The following NRG3 variants were observed in gnomAD, a reference collection of about 807,000 sequenced individuals.
The protein encoded by NRG3 is neuregulin 3.
In NRG3, 31 loss-of-function variants were observed where a neutral mutation model predicts 66.9. The observed-to-expected ratio is 0.46, with a 90% CI of 0.35 to 0.63. The LOEUF (loss-of-function observed/expected upper bound fraction) is 0.63, where lower values mean the gene tolerates loss of function less well. Among genes scored for constraint, NRG3 ranks in the 20% least tolerant of loss-of-function variants. NRG3 has a pLI of 0.00. For synonymous variants in NRG3, 393 were observed against 359.4 expected (o/e 1.09, Z -1.06); for missense variants, 910 against 878.9 (o/e 1.04, Z -0.45).
intron 1 of NRG3, among the ~76,000 whole-genome samples, chr10:82,231,560 C>T (rs914976071): frequency 1.2e-4 from 18 of 151,072 alleles, no homozygotes; most frequent in South Asian, 2.1e-4. Flanking sequence ...TATTAATAAA[C>T]GCATTATTTA....
chr10:82,431,853 G>T (rs1039024234), intron 2 of NRG3, among the ~76,000 whole-genome samples: 1 of 152,030 alleles, frequency 6.6e-6, no homozygotes, highest in Non-Finnish European at 1.5e-5. Flanking sequence ...ATATTATTCT[G>T]CAACTTGAGT....
At chr10:82,924,218 C>A (rs2132093983) in intron 4 of NRG3, among the ~76,000 whole-genome samples, 1 of 152,018 alleles carries the variant, frequency 6.6e-6, no homozygotes, top group African/African-American at 2.4e-5. Context: ...GTTTCCAGAA[C>A]CCAAAAGGAG....
chr10:82,878,071 G>A (rs892543402), intron 4 of NRG3, among the ~76,000 whole-genome samples: 19 of 152,098 alleles, frequency 1.2e-4, no homozygotes, highest in Admixed American at 1.3e-4. Flanking sequence ...AGAATAGTTC[G>A]GGCCATTTTT....
intron 2 of NRG3, among the ~76,000 whole-genome samples, chr10:82,603,571 C>A (rs639839): frequency 0.099 from 15,018 of 152,106 alleles, 764 homozygotes; most frequent in East Asian, 0.15. Context: ...TTTCCTTTTA[C>A]TTATGACCAC....
rs1290840907 is a variant in NRG3 at position 82,985,183 on chromosome 10, A to G, written c.1669A>G (p.Ser557Gly). 1.9e-6 allele frequency: 3 copies of G among 1,614,064 alleles called. No individual in the cohort carries two copies. Among genetic ancestry groups the G allele is most frequent in the Non-Finnish European group, 2.5e-6 (3 of 1,180,016 alleles). ...AAGAGAGACAAACCCCTATTTTAAT[A>G]GCTTGGAGCAAAAGGACCTGGTGGG... ...PSRETNPYFN[S>G]LEQKDLVGYS... The change falls in exon 9 of 9, where the codon AGC becomes GGC. Residue 557 changes from serine (S) to glycine (G), a missense_variant. Transcript: ENST00000372141.
chr10:82,056,654 A>C (rs920908764), intron 1 of NRG3, among the ~76,000 whole-genome samples: 2 of 152,172 alleles, frequency 1.3e-5, no homozygotes, highest in Non-Finnish European at 2.9e-5. Context: ...TATCTCATTG[A>C]AATTTTCTTT....
intron 1 of NRG3, among the ~76,000 whole-genome samples, chr10:82,325,076 T>A (rs1564797236): frequency 6.6e-6 from 1 of 152,240 alleles, no homozygotes; most frequent in Non-Finnish European, 1.5e-5. Flanking sequence ...TTCATATATT[T>A]TGAAGTTCTG....
intron 1 of NRG3, among the ~76,000 whole-genome samples, chr10:82,059,808 A>G (rs2064041038): frequency 6.6e-6 from 1 of 152,114 alleles, no homozygotes; most frequent in Non-Finnish European, 1.5e-5. Flanking sequence ...CTGCCTACAT[A>G]TCTTAAAGCC....
intron 3 of NRG3, among the ~76,000 whole-genome samples, chr10:82,811,524 A>T (rs2061492196): frequency 6.6e-6 from 1 of 152,158 alleles, no homozygotes; most frequent in Non-Finnish European, 1.5e-5. Context: ...ATTAGATTCT[A>T]TTGTAACACT....
At chr10:81,963,951 TTATTA>T (rs1442959272) in intron 1 of NRG3, among the ~76,000 whole-genome samples, 1 of 152,246 alleles carries the variant, frequency 6.6e-6, no homozygotes, top group African/African-American at 2.4e-5. Context: ...AGCATTTGGG[TTATTA>T]TATTATTGTT....
intron 1 of NRG3, chr10:81,889,785 T>G (rs1388209674): frequency 6.6e-6 from 1 of 152,194 alleles, no homozygotes; most frequent in East Asian, 1.9e-4. Context: ...TTTTTTAAAG[T>G]TATTTGTTCA....
intron 1 of NRG3, among the ~76,000 whole-genome samples, chr10:81,932,155 GGA>G (rs1257365003): frequency 2.0e-5 from 3 of 151,602 alleles, no homozygotes; most frequent in Non-Finnish European, 4.4e-5. Context: ...GGTGAAAGCA[GGA>G]GAGAGAGATT....
intron 1 of NRG3, among the ~76,000 whole-genome samples, chr10:82,139,833 G>A (rs535570004): frequency 6.6e-6 from 1 of 152,088 alleles, no homozygotes; most frequent in African/African-American, 2.4e-5. Flanking sequence ...CTTCATATCT[G>A]AAGGTTAAGC....
intron 1 of NRG3, among the ~76,000 whole-genome samples, chr10:82,077,205 C>A (rs2065138073): frequency 6.6e-6 from 1 of 152,120 alleles, no homozygotes; most frequent in African/African-American, 2.4e-5. Context: ...CATTTATTTG[C>A]TGTATAGAAA....
At chr10:82,311,982 C>T (rs1175812012) in intron 1 of NRG3, among the ~76,000 whole-genome samples, 2 of 152,160 alleles carry the variant, frequency 1.3e-5, no homozygotes, top group East Asian at 3.9e-4. Flanking sequence ...TCTCTGCCAA[C>T]TCGGGACAAT....
chr10:82,158,562 T>G (rs1247968021), intron 1 of NRG3, among the ~76,000 whole-genome samples: 1 of 151,838 alleles, frequency 6.6e-6, no homozygotes, highest in Non-Finnish European at 1.5e-5. Flanking sequence ...GTAAATTGGA[T>G]GTATATTTCT....
intron 3 of NRG3, among the ~76,000 whole-genome samples, chr10:82,779,560 A>G (rs1486448049): frequency 6.6e-6 from 1 of 151,826 alleles, no homozygotes; most frequent in Non-Finnish European, 1.5e-5. Flanking sequence ...TGTCTCAAAA[A>G]CTCTATCTTC....
chr10:82,454,850 G>A (rs1454863852), intron 2 of NRG3, among the ~76,000 whole-genome samples: 1 of 152,166 alleles, frequency 6.6e-6, no homozygotes, highest in East Asian at 1.9e-4. Context: ...ACATCAAAAA[G>A]CATATTAAAC....
chr10:82,106,342 G>A (rs980608179), intron 1 of NRG3, among the ~76,000 whole-genome samples: 1 of 152,112 alleles, frequency 6.6e-6, no homozygotes, highest in African/African-American at 2.4e-5. Flanking sequence ...GTTAGACCCA[G>A]GAGGGTTCAC....
Sources: allele counts gnomAD v4.1 joint callset (sites outside exome capture counted in the v4.1 genomes callset), GRCh38; gene constraint gnomAD v4.1.1; transcripts MANE v1.5; gene names NCBI Gene and HGNC (gene_info 2026-07-23, HGNC 2026-07-21).